Variants in TGM5 observed in about 807,000 individuals in gnomAD.
The protein encoded by TGM5 is transglutaminase 5.
TGM5 carries 69 observed loss-of-function variants against 77.2 expected under a neutral mutation model. The observed-to-expected ratio is 0.89, with a 90% CI of 0.74 to 1.09. TGM5 has a LOEUF of 1.09. Among genes scored for constraint, TGM5 ranks in the 50% least tolerant of loss-of-function variants. TGM5 has a pLI of 0.00. For missense variants in TGM5, 842 were observed against 896.5 expected, an observed-to-expected ratio of 0.94 and a Z score of 0.78; for synonymous variants, 346 against 351.8, an observed-to-expected ratio of 0.98 and a Z score of 0.18.
At position 43,233,210 on chromosome 15, in the gene TGM5, T is replaced by C. The variant is rs1462028200; in HGVS notation, c.2144A>G (p.Tyr715Cys). ...CAGAATTTATAATGCAAAGTCTACA[T>C]AAACATTCCTGTAACCCTTAATGTC... ...FKDIKGYRNV[Y>C]VDFAL The change falls in exon 13 of 13, where the codon TAT becomes TGT. Residue 715 changes from tyrosine to cysteine, a missense_variant. Tyr to Cys is a radical substitution (Grantham distance 194). Around this residue, in one of 2 missense-constraint regions of TGM5, gnomAD observed 27 missense variants for 51.8 expected, o/e 0.52. Coordinates refer to ENST00000220420, the MANE Select transcript of TGM5 (RefSeq NM_201631.4). The C allele has an allele frequency of 6.2e-7, 1 of 1,614,192 alleles. No individual in the cohort carries two copies.
chr15:43,253,006 TGGAAGACCCATG>T, intron 5 of TGM5, 70 bp from the exon 6 acceptor site: 1 of 1,538,962 alleles, frequency 6.5e-7, no homozygotes, highest in Admixed American at 1.7e-5. Context: ...TGGGCTGCCT[TGGAAGACCCATG>T]GGCCTGAGAA....
In TGM5 at chr15:43,239,000, G is replaced by A. The variant is rs2042612697; in HGVS notation, c.1162C>T (p.Leu388=). ...AACACAAAGGGCGTGTCATAGTTCA[G>A]GTCCACTTCTCCTTCTTTGATGGCT... ...VRAIKEGEVD[L]NYDTPFVFSM... The change falls in exon 9 of 13, where the codon CTG becomes TTG. Residue 388 remains leucine (L), a synonymous_variant. Transcript: ENST00000220420. 6.2e-7 allele frequency: 1 copy of A among 1,614,154 alleles called. No individual in the cohort carries two copies. Among genetic ancestry groups the A allele is most frequent in the East Asian group, 2.2e-5 (1 of 44,880 alleles).
At position 43,261,006 on chromosome 15, in the gene TGM5, G is replaced by A. The variant is rs957314260; in HGVS notation, c.11-427C>T. The stretch of plus-strand genomic sequence containing the variant: ...CTGTACTAGCCTCCAGGTCTGGGGA[G>A]CTGCTCCCTGGTTTAGTTGCCCTGG... On this transcript the variant is annotated intron_variant, in intron 1 of 12. Transcript: ENST00000220420. 3.3e-5 allele frequency among the ~76,000 whole-genome samples: 5 copies of A among 151,410 alleles called. No homozygotes were observed. The South Asian group carries it at 8.3e-4, about 25-fold the overall frequency.
intron 3 of TGM5, among the ~76,000 whole-genome samples, chr15:43,257,926 T>G (rs960356163): frequency 6.6e-6 from 1 of 152,134 alleles, no homozygotes; most frequent in East Asian, 1.9e-4. Flanking sequence ...ATGTCCTTTA[T>G]AGGGACATGG....
At chr15:43,243,080 C>T (rs528693721) in intron 6 of TGM5, among the ~76,000 whole-genome samples, 1 of 152,312 alleles carries the variant, frequency 6.6e-6, no homozygotes, top group South Asian at 2.1e-4. Context: ...ACTCGATGGG[C>T]ACTTTCCCAC....
At chr15:43,240,528 G>A (rs2042627028) in intron 7 of TGM5, among the ~76,000 whole-genome samples, 1 of 151,990 alleles carries the variant, frequency 6.6e-6, no homozygotes, top group Non-Finnish European at 1.5e-5. Flanking sequence ...TCAAAGGGCA[G>A]TGGGGAAATT....
intron 3 of TGM5, among the ~76,000 whole-genome samples, chr15:43,259,166 G>A (rs926194920): frequency 2.6e-5 from 4 of 152,054 alleles, no homozygotes; most frequent in Admixed American, 6.6e-5. Context: ...CAGCAGACCC[G>A]TTCTCTACTC....
At chr15:43,259,605 T>A (rs1410418102) in intron 3 of TGM5, among the ~76,000 whole-genome samples, 2 of 152,190 alleles carry the variant, frequency 1.3e-5, no homozygotes, top group Middle Eastern at 3.2e-3. Context: ...GTGAATGGAA[T>A]CTGAAAGAAT....
chr15:43,265,299 A>C (rs1421649064), intron 1 of TGM5, among the ~76,000 whole-genome samples: 1 of 152,202 alleles, frequency 6.6e-6, no homozygotes, highest in Non-Finnish European at 1.5e-5. Context: ...TCATGATCAA[A>C]AAAATGTCCA....
chr15:43,238,589 C>T (rs1484123919), intron 9 of TGM5, among the ~76,000 whole-genome samples: 2 of 152,236 alleles, frequency 1.3e-5, no homozygotes, highest in Admixed American at 6.5e-5. Flanking sequence ...TTGGGCTCCA[C>T]GGTCCATGTC....
At chr15:43,261,415 G>C (rs2042790000) in intron 1 of TGM5, among the ~76,000 whole-genome samples, 1 of 152,120 alleles carries the variant, frequency 6.6e-6, no homozygotes, top group Non-Finnish European at 1.5e-5. Context: ...TTAGCCATCT[G>C]CTGGCTCTCT....
intron 1 of TGM5, among the ~76,000 whole-genome samples, chr15:43,262,463 T>C (rs1415473640): frequency 6.6e-6 from 1 of 152,216 alleles, no homozygotes; most frequent in African/African-American, 2.4e-5. Flanking sequence ...CATTCTTTCA[T>C]GATAAAAATA....
At chr15:43,258,856 A>G (rs2042763359) in intron 3 of TGM5, among the ~76,000 whole-genome samples, 1 of 149,724 alleles carries the variant, frequency 6.7e-6, no homozygotes, top group South Asian at 2.1e-4. Context: ...GAAGGCCCTG[A>G]GAGAGAGAGA....
rs1169379476 is a variant in TGM5 at position 43,234,787 on chromosome 15, A to G, written c.1857T>C (p.Tyr619=). ...ILVNKIITLS[Y]PSITINVLGA... is the part of the protein sequence containing the mutation. ...TGCCTACATTAATCGTGATGCTTGG[A>G]TAAGATAAGGTGATGATCTTGTTCA... The change falls in exon 11 of 13, where the codon TAT becomes TAC. Residue 619 remains tyrosine, a synonymous_variant. Transcript: ENST00000220420. 6.2e-7 allele frequency: 1 copy of G among 1,614,242 alleles called. No individual in the cohort carries two copies. The highest frequency in any genetic ancestry group is 1.7e-5 in the Admixed American group (1 of 60,038).
intron 10 of TGM5, 76 bp downstream of exon 10, chr15:43,235,393 G>C: frequency 3.1e-6 from 5 of 1,604,162 alleles, no homozygotes; most frequent in Non-Finnish European, 4.3e-6. Flanking sequence ...TCTGCCCCCA[G>C]AACCCTGTTG....
At chr15:43,266,120 ATTAT>A (rs2042823040) in intron 1 of TGM5, among the ~76,000 whole-genome samples, 1 of 152,210 alleles carries the variant, frequency 6.6e-6, no homozygotes, top group Non-Finnish European at 1.5e-5. Context: ...TTTATCTATA[ATTAT>A]TTATTTATTT....
At position 43,235,597 on chromosome 15, in the gene TGM5, G is replaced by T; in HGVS notation, c.1586C>A (p.Ala529Asp). ...MGQDICFVLL[A>D]LNMSSQFKDL... ...CTTGAACTGGGAGGACATGTTGAGGGCCAGCAGGACAAAGCATATATCCTG... is the reference window on the plus strand; with the variant it reads ...CTTGAACTGGGAGGACATGTTGAGGTCCAGCAGGACAAAGCATATATCCTG... Residue 529 changes from alanine to aspartate, a missense_variant, in exon 10 of 13, where the codon GCC becomes GAC. By Grantham distance (126) the Ala-to-Asp change is moderately radical. This residue lies in a region of TGM5 where 815 missense variants were observed against 844.6 expected (regional missense o/e 0.96). Coordinates refer to ENST00000220420, the MANE Select transcript of TGM5 (RefSeq NM_201631.4). The T allele has an allele frequency of 6.2e-7, 1 of 1,614,234 alleles. No individual in the cohort carries two copies.
intron 9 of TGM5, 48 bp from the exon 10 acceptor site, chr15:43,235,885 G>A (rs766166378): frequency 1.9e-6 from 3 of 1,608,746 alleles, no homozygotes; most frequent in Non-Finnish European, 2.5e-6. Context: ...GGCTGACCGG[G>A]GTAGACTGAG....
In TGM5 at chr15:43,240,833, T is replaced by A. The variant is rs749097509; in HGVS notation, c.1001+19A>T. The A allele has an allele frequency of 6.9e-5, 112 of 1,613,746 alleles. No individual in the cohort carries two copies. The highest frequency in any genetic ancestry group is 9.0e-5 in the Non-Finnish European group (106 of 1,179,916). ...TCTGATGTGTGGCCCTAGAAATAGG[T>A]TGAGAGGTTGTTTCTCACCAGATAG... On this transcript the variant is annotated intron_variant, in intron 7 of 12. Coordinates refer to ENST00000220420, the MANE Select transcript of TGM5 (RefSeq NM_201631.4).
Sources: allele counts gnomAD v4.1 joint callset (sites outside exome capture counted in the v4.1 genomes callset), GRCh38; gene constraint gnomAD v4.1.1; regional missense constraint gnomAD v4.1.1; transcripts MANE v1.5; gene names NCBI Gene and HGNC (gene_info 2026-07-23, HGNC 2026-07-21).